The following ZFYVE9 variants were observed in gnomAD, a reference collection of about 807,000 sequenced individuals.
ZFYVE9 encodes the protein zinc finger FYVE domain-containing protein 9.
Under a neutral mutation model 126.7 loss-of-function variants are expected in ZFYVE9, and 43 were observed. The observed-to-expected ratio is 0.34, with a 90% CI of 0.27 to 0.44. The LOEUF (loss-of-function observed/expected upper bound fraction) is 0.44. Ranked by LOEUF, ZFYVE9 falls within the 20% of genes least tolerant of loss-of-function variation. The probability of loss-of-function intolerance (pLI) is 1.00; values close to 1 mark genes in which losing one functional copy is unlikely to be tolerated. For synonymous variants in ZFYVE9, 521 were observed against 597.4 expected, an observed-to-expected ratio of 0.87 and a Z score of 1.87; for missense variants, 1,476 against 1,697.0, an observed-to-expected ratio of 0.87 and a Z score of 2.29.
intron 8 of ZFYVE9, among the ~76,000 whole-genome samples, chr1:52,276,769 C>T (rs1017904740): frequency 6.6e-6 from 1 of 152,212 alleles, no homozygotes; most frequent in Non-Finnish European, 1.5e-5. Flanking sequence ...TTCATTATCT[C>T]TGTTCTAATA....
At position 52,233,185 on chromosome 1, in the gene ZFYVE9, C is replaced by G; in HGVS notation, c.-22C>G. The G allele has an allele frequency of 6.5e-7, 1 of 1,542,608 alleles. No homozygotes were observed. The highest frequency in any genetic ancestry group is 8.8e-7 in the Non-Finnish European group (1 of 1,140,546). ...TTACTTTTTAGGTTTAAACAAGTCT[C>G]TTAAGTGGTGTTTCCTCACCGATGG... On this transcript the variant is annotated 5_prime_UTR_variant, in exon 3 of 19. Transcript: ENST00000287727.
intron 10 of ZFYVE9, among the ~76,000 whole-genome samples, chr1:52,287,420 A>AT (rs1645872550): frequency 6.6e-6 from 1 of 152,126 alleles, no homozygotes; most frequent in South Asian, 2.1e-4. Context: ...CTAATCTTTT[A>AT]TTAAGAAAGT....
intron 4 of ZFYVE9, among the ~76,000 whole-genome samples, chr1:52,256,595 A>G (rs564254556): frequency 6.6e-6 from 1 of 152,264 alleles, no homozygotes; most frequent in East Asian, 1.9e-4. Context: ...CTGGGCTGGT[A>G]CAGCCTCAGT....
At chr1:52,229,124 T>C (rs1208833178) in intron 2 of ZFYVE9, among the ~76,000 whole-genome samples, 1 of 152,112 alleles carries the variant, frequency 6.6e-6, no homozygotes, top group African/African-American at 2.4e-5. Context: ...CACCTCAGCC[T>C]ACCAAAGTAC....
At chr1:52,271,165 A>T (rs1254924789) in intron 7 of ZFYVE9, among the ~76,000 whole-genome samples, 1 of 152,192 alleles carries the variant, frequency 6.6e-6, no homozygotes, top group Non-Finnish European at 1.5e-5. Flanking sequence ...GGGTTCTTAA[A>T]CTATAAATAT....
intron 1 of ZFYVE9, chr1:52,160,382 T>C (rs886468170): frequency 6.2e-6 from 7 of 1,133,734 alleles, no homozygotes; most frequent in Middle Eastern, 3.9e-4. Context: ...TTTGGACATA[T>C]ATTCAGACAC....
At chr1:52,187,661 AAAG>A (rs1382731813) in intron 1 of ZFYVE9, among the ~76,000 whole-genome samples, 1 of 152,230 alleles carries the variant, frequency 6.6e-6, no homozygotes, top group Non-Finnish European at 1.5e-5. Flanking sequence ...ACACTTTTCA[AAAG>A]AAGACATACA....
intron 2 of ZFYVE9, among the ~76,000 whole-genome samples, chr1:52,230,372 G>C (rs931495925): frequency 6.6e-6 from 1 of 152,008 alleles, no homozygotes; most frequent in Non-Finnish European, 1.5e-5. Context: ...CATCCAGAAA[G>C]AATCAGTCAA....
Position 52,239,561 on chromosome 1 carries a change from C to G in ZFYVE9, c.2144C>G (p.Thr715Ser), listed in dbSNP as rs751856296. ...CMKCEARFTF[T>S]KRRHHCRACG... The stretch of plus-strand genomic sequence containing the variant: ...AAATGTGAAGCCAGGTTTACATTCA[C>G]CAAAAGGAGGCATCACTGCAGAGCA... The change falls in exon 4 of 19, where the codon ACC (threonine) becomes AGC (serine). Residue 715 changes from threonine (T) to serine (S), a missense_variant. Physicochemically the swap from Thr to Ser is moderately conservative, Grantham distance 58. Coordinates refer to ENST00000287727, the MANE Select transcript of ZFYVE9 (RefSeq NM_004799.4). 6.2e-7 allele frequency: 1 copy of G among 1,613,884 alleles called. No individual in the cohort carries two copies. Among genetic ancestry groups the G allele is most frequent in the South Asian group, 1.1e-5 (1 of 91,070 alleles).
intron 1 of ZFYVE9, among the ~76,000 whole-genome samples, chr1:52,182,340 A>G (rs2938068): frequency 0.97 from 146,828 of 151,926 alleles, 70,968 homozygotes; most frequent in East Asian, 1. Context: ...TTGAGAAATC[A>G]GATGGTTGCT....
chr1:52,273,750 C>G (rs1645716845), intron 7 of ZFYVE9, among the ~76,000 whole-genome samples: 2 of 150,062 alleles, frequency 1.3e-5, no homozygotes, highest in African/African-American at 4.9e-5. Flanking sequence ...ATTGCTTGAA[C>G]CTGGGAAGCA....
intron 13 of ZFYVE9, among the ~76,000 whole-genome samples, chr1:52,329,404 A>T (rs917192282): frequency 6.6e-6 from 1 of 152,212 alleles, no homozygotes; most frequent in African/African-American, 2.4e-5. Context: ...AGACGAAAAC[A>T]GTAATCTTTC....
At chr1:52,271,490 G>A (rs1371850309) in intron 7 of ZFYVE9, among the ~76,000 whole-genome samples, 8 of 152,060 alleles carry the variant, frequency 5.3e-5, no homozygotes, top group Admixed American at 6.5e-5. Context: ...TTGTTACATA[G>A]GTATACATGT....
chr1:52,261,131 G>C (rs1004651257), intron 4 of ZFYVE9, among the ~76,000 whole-genome samples: 4 of 151,770 alleles, frequency 2.6e-5, no homozygotes, highest in African/African-American at 9.7e-5. Context: ...GCCAATCTAG[G>C]CTAGAGCCTA....
At chr1:52,321,700 G>A (rs187485332) in intron 13 of ZFYVE9, among the ~76,000 whole-genome samples, 34 of 152,112 alleles carry the variant, frequency 2.2e-4, no homozygotes, top group African/African-American at 7.0e-4. Flanking sequence ...TCACAACCTC[G>A]CTGCCATATT....
intron 12 of ZFYVE9, among the ~76,000 whole-genome samples, chr1:52,300,160 T>A (rs927025216): frequency 1.3e-5 from 2 of 152,202 alleles, no homozygotes; most frequent in Non-Finnish European, 2.9e-5. Flanking sequence ...TCCAGCATAC[T>A]TCCACAGCCA....
intron 1 of ZFYVE9, among the ~76,000 whole-genome samples, chr1:52,187,888 A>G (rs553670115): frequency 6.6e-6 from 1 of 152,294 alleles, no homozygotes; most frequent in South Asian, 2.1e-4. Flanking sequence ...ATGGAAAACG[A>G]TTCCTTTCCA....
intron 10 of ZFYVE9, among the ~76,000 whole-genome samples, chr1:52,286,769 A>G (rs568354771): frequency 6.6e-6 from 1 of 152,328 alleles, no homozygotes; most frequent in East Asian, 1.9e-4. Context: ...CCTTTAGAAT[A>G]AACTGTGCTC....
At chr1:52,296,377 A>G (rs748301530) in intron 12 of ZFYVE9, among the ~76,000 whole-genome samples, 8 of 151,752 alleles carry the variant, frequency 5.3e-5, no homozygotes, top group Non-Finnish European at 8.8e-5. Context: ...TCTTGTGTCT[A>G]TATAGGTTAT....
Sources: allele counts gnomAD v4.1 joint callset (sites outside exome capture counted in the v4.1 genomes callset), GRCh38; gene constraint gnomAD v4.1.1; transcripts MANE v1.5; gene names NCBI Gene and HGNC (gene_info 2026-07-23, HGNC 2026-07-21).